Variants in DCHS2 observed in about 807,000 individuals in gnomAD.
The protein encoded by DCHS2 is dachsous cadherin-related 2.
DCHS2 carries 142 observed loss-of-function variants against 182.4 expected under a neutral mutation model. The ratio of observed to expected loss-of-function variants is 0.78; its 90% CI spans 0.68 to 0.89. The LOEUF is 0.89. Ranked by LOEUF, DCHS2 falls within the 40% of genes least tolerant of loss-of-function variation. The pLI is 0.00. For missense variants in DCHS2, 4,319 were observed against 4,198.6 expected (o/e 1.03, Z -0.79); for synonymous variants, 1,740 against 1,663.3 (o/e 1.05, Z -1.12).
chr4:154,445,937 C>T (rs761685542), intron 1 of DCHS2, among the ~76,000 whole-genome samples: 7 of 151,998 alleles, frequency 4.6e-5, no homozygotes, highest in East Asian at 1.9e-4. Flanking sequence ...TTTGTCTACC[C>T]CTGAAAAATG....
At chr4:154,453,427 C>T (rs73854777) in intron 1 of DCHS2, among the ~76,000 whole-genome samples, 1,732 of 152,050 alleles carry the variant, frequency 0.011, 32 homozygotes, top group African/African-American at 0.04. Context: ...GACAAGGATT[C>T]CAGACATCTT....
chr4:154,298,986 C>A (rs1324740896), intron 12 of DCHS2, among the ~76,000 whole-genome samples: 1 of 152,050 alleles, frequency 6.6e-6, no homozygotes, highest in Non-Finnish European at 1.5e-5. Context: ...TAATTTGCAG[C>A]CGTATGATTT....
chr4:154,356,830 G>A (rs1291361190), intron 3 of DCHS2, among the ~76,000 whole-genome samples: 1 of 152,132 alleles, frequency 6.6e-6, no homozygotes, highest in Non-Finnish European at 1.5e-5. Context: ...GTCTCAGAAT[G>A]TATCCCCATC....
intron 14 of DCHS2, among the ~76,000 whole-genome samples, chr4:154,260,007 AG>A (rs1011332909): frequency 6.6e-6 from 1 of 152,066 alleles, no homozygotes; most frequent in Admixed American, 6.6e-5. Flanking sequence ...TATTTTTAGT[AG>A]AGACGGGTTT....
intron 13 of DCHS2, among the ~76,000 whole-genome samples, chr4:154,291,763 G>A (rs555994376): frequency 0.01 from 106 of 10,510 alleles, no homozygotes; most frequent in African/African-American, 0.016. Flanking sequence ...TGAACTCATA[G>A]AAATACAGAG....
At chr4:154,450,032 G>A (rs1033682875) in intron 1 of DCHS2, among the ~76,000 whole-genome samples, 1 of 152,184 alleles carries the variant, frequency 6.6e-6, no homozygotes, top group Non-Finnish European at 1.5e-5. Context: ...TTCCATGCAA[G>A]TGGATCTTCA....
At position 154,343,313 on chromosome 4, in the gene DCHS2, C is replaced by G. The variant is rs142645635; in HGVS notation, c.2477-8209G>C. 6.7e-3 allele frequency among the ~76,000 whole-genome samples: 1,024 copies of G among 152,330 alleles called. 14 individuals are homozygous for G. Among genetic ancestry groups the G allele is most frequent in the African/African-American group, 0.024 (979 of 41,568 alleles). On this transcript the variant is annotated intron_variant, in intron 3 of 19. Transcript: ENST00000357232. ...GCATTGTTCCACTTAAAGTCACCAG[C>G]TGCATTAGCCCCTAACAAGAGAGTC...
intron 13 of DCHS2, among the ~76,000 whole-genome samples, chr4:154,287,748 C>T (rs546574943): frequency 6.6e-6 from 1 of 152,224 alleles, no homozygotes; most frequent in Non-Finnish European, 1.5e-5. Context: ...TCTTGACATC[C>T]TGGGATTATA....
chr4:154,399,580 G>A (rs189803176), intron 1 of DCHS2, among the ~76,000 whole-genome samples: 30 of 152,278 alleles, frequency 2.0e-4, no homozygotes, highest in Admixed American at 9.8e-4. Flanking sequence ...GAATAATAAA[G>A]TAAGTTTCAT....
Position 154,382,713 on chromosome 4 carries a change from G to A in DCHS2, c.2053-5269C>T, listed in dbSNP as rs56217816. Among the ~76,000 whole-genome samples the A allele has an allele frequency of 2.0e-3, 310 of 152,146 alleles. 2 individuals are homozygous for A. The highest frequency in any genetic ancestry group is 7.2e-3 in the African/African-American group (299 of 41,524). On this transcript the variant is annotated intron_variant, in intron 1 of 19. Transcript: ENST00000357232. Reference sequence around the variant, plus strand: ...CATTAACAGACACTTCTCAAAAGACGACATACAAGCAGCCAAGAAACATAT... The same window carrying A: ...CATTAACAGACACTTCTCAAAAGACAACATACAAGCAGCCAAGAAACATAT...
chr4:154,343,623 G>A, intron 3 of DCHS2: 6 of 1,505,186 alleles, frequency 4.0e-6, no homozygotes, highest in Non-Finnish European at 5.3e-6. Context: ...TTTTTCTGCA[G>A]CTTCCTCATC....
intron 1 of DCHS2, among the ~76,000 whole-genome samples, chr4:154,486,737 A>G (rs1560786749): frequency 6.6e-6 from 1 of 152,184 alleles, no homozygotes; most frequent in Non-Finnish European, 1.5e-5. Context: ...ATTAGGGGGT[A>G]AGTCAGCTGT....
intron 16 of DCHS2, among the ~76,000 whole-genome samples, chr4:154,244,719 A>G (rs1046827278): frequency 2.6e-5 from 4 of 152,222 alleles, no homozygotes; most frequent in African/African-American, 7.2e-5. Context: ...CATGAAGAAC[A>G]CAGGCTGCCT....
At chr4:154,414,265 G>A (rs1015830784) in intron 1 of DCHS2, among the ~76,000 whole-genome samples, 8 of 151,602 alleles carry the variant, frequency 5.3e-5, no homozygotes, top group East Asian at 1.9e-4. Context: ...AAGAAGATTC[G>A]AAAACACTAG....
At position 154,377,394 on chromosome 4, in the gene DCHS2, A is replaced by C; in HGVS notation, c.2103T>G (p.Ser701=). The C allele has an allele frequency of 1.9e-6, 3 of 1,613,552 alleles. No individual in the cohort carries two copies. The highest frequency in any genetic ancestry group is 2.5e-6 in the Non-Finnish European group (3 of 1,179,642). ...DSGLYGFIEY[S]LYDGFLSYEA... Reference sequence around the variant, plus strand: ...CATAGCTCAGGAATCCATCATAAAGAGAATATTCAATAAAGCCATAGAGTC... The same window carrying C: ...CATAGCTCAGGAATCCATCATAAAGCGAATATTCAATAAAGCCATAGAGTC... The change falls in exon 2 of 20, where the codon TCT becomes TCG. Residue 701 remains serine (S), a synonymous_variant. Transcript: ENST00000357232.
rs763548335 is a variant in DCHS2 at position 154,490,564 on chromosome 4, C to A, written c.792G>T (p.Leu264=). Reference sequence around the variant, plus strand: ...GGCCGCCGTCCCATGCCTCGATCTGCAGCCGGTGCGCCGCCGCCTCCTCTC... The same window carrying A: ...GGCCGCCGTCCCATGCCTCGATCTGAAGCCGGTGCGCCGCCGCCTCCTCTC... ...LDREEAAAHR[L]QIEAWDGGRP... is the part of the protein sequence containing the mutation. The change falls in exon 1 of 20, where the codon CTG becomes CTT. Residue 264 remains leucine (L), a synonymous_variant. Transcript: ENST00000357232. 3 of 1,542,328 alleles carry A rather than the reference C, an allele frequency of 1.9e-6. No individual in the cohort carries two copies. Among genetic ancestry groups the A allele is most frequent in the Non-Finnish European group, 2.6e-6 (3 of 1,146,138 alleles).
At chr4:154,240,158 A>C (rs1731731235) in intron 18 of DCHS2, among the ~76,000 whole-genome samples, 2 of 152,096 alleles carry the variant, frequency 1.3e-5, no homozygotes, top group Admixed American at 6.6e-5. Context: ...TTTCTGTAAA[A>C]TTTTAATCAA....
chr4:154,458,270 T>G lies in DCHS2; in HGVS notation c.2052+31034A>C, dbSNP rs1734857256. 2.6e-5 allele frequency among the ~76,000 whole-genome samples: 4 copies of G among 152,284 alleles called. No homozygotes were observed. The South Asian group carries it at 8.3e-4, about 32-fold the overall frequency. On this transcript the variant is annotated intron_variant, in intron 1 of 19. Coordinates refer to ENST00000357232, the MANE Select transcript of DCHS2 (RefSeq NM_001358235.2). ...TCTAAATAAAATTCTATAACTGTATTAATAGAAAATCAGACCCATATTTCC... is the reference window on the plus strand; with the variant it reads ...TCTAAATAAAATTCTATAACTGTATGAATAGAAAATCAGACCCATATTTCC...
intron 2 of DCHS2, chr4:154,373,896 T>C (rs961510222): frequency 6.3e-7 from 1 of 1,586,768 alleles, no homozygotes; most frequent in South Asian, 1.1e-5. Flanking sequence ...AAGACTCAGA[T>C]TATAGAAACA....
Sources: allele counts gnomAD v4.1 joint callset (sites outside exome capture counted in the v4.1 genomes callset), GRCh38; gene constraint gnomAD v4.1.1; transcripts MANE v1.5; gene names NCBI Gene and HGNC (gene_info 2026-07-23, HGNC 2026-07-21).